The following MASTL variants were observed in gnomAD, a reference collection of about 807,000 sequenced individuals.
MASTL encodes the protein serine/threonine-protein kinase greatwall.
Under a neutral mutation model 82.5 loss-of-function variants are expected in MASTL, and 54 were observed. The ratio of observed to expected loss-of-function variants is 0.65; its 90% CI spans 0.53 to 0.82. The LOEUF is 0.82. MASTL is among the 40% of genes least tolerant of loss of function. The pLI, the probability that MASTL is intolerant of heterozygous loss-of-function variation, is 0.00. For synonymous variants in MASTL, 323 were observed against 368.9 expected (o/e 0.88, Z 1.43); for missense variants, 950 against 1,047.8 (o/e 0.91, Z 1.29).
chr10:27,155,288 GT>G, upstream of MASTL: 1 of 809,122 alleles, frequency 1.2e-6, no homozygotes, highest in Admixed American at 2.6e-5. Flanking sequence ...CGTAGGGGAG[GT>G]GACGAGGGCG....
rs1315365659 is a variant in MASTL, at chr10:27,173,208, C to A, written c.2215C>A (p.Leu739Ile). 1 of 1,614,102 alleles carries A rather than the reference C, an allele frequency of 6.2e-7. No homozygotes were observed. Among genetic ancestry groups the A allele is most frequent in the Middle Eastern group, 1.6e-4 (1 of 6,062 alleles). ...GGCCCCCGTTGATGATGGGCGAATT[C>A]TAGGAACCCCAGACTACCTTGCACC... ...GVAPVDDGRILGTPDYLAPEL... is the reference protein window; with the variant it reads ...GVAPVDDGRIIGTPDYLAPEL... The change falls in exon 9 of 12, where the codon CTA (leucine) becomes ATA (isoleucine). Residue 739 changes from leucine (L) to isoleucine (I), a missense_variant. Leu to Ile is a conservative substitution (Grantham distance 5). Transcript: ENST00000375940.
chr10:27,164,160 T>A (rs1043196383), intron 4 of MASTL, among the ~76,000 whole-genome samples: 6 of 152,206 alleles, frequency 3.9e-5, no homozygotes, highest in Non-Finnish European at 8.8e-5. Flanking sequence ...TTTGTTTGTT[T>A]AAGAGACAGG....
intron 11 of MASTL, 106 bp from the exon 12 acceptor site, chr10:27,186,273 G>A (rs2058740264): frequency 3.5e-6 from 4 of 1,149,418 alleles, no homozygotes; most frequent in East Asian, 2.4e-5. Context: ...ACATAATAAA[G>A]TAAGGTAAGT....
At chr10:27,172,603 G>A (rs2488371) in intron 8 of MASTL, among the ~76,000 whole-genome samples, 6 of 152,020 alleles carry the variant, frequency 3.9e-5, no homozygotes, top group Admixed American at 2.0e-4. Flanking sequence ...GTGGTGAGCC[G>A]AGATCGCACC....
rs1421689220 is a variant in MASTL at position 27,165,468 on chromosome 10, AAGG to A, written c.742_744del (p.Gly248del). On this transcript the variant is annotated inframe_deletion, in exon 6 of 12. Transcript: ENST00000375940. ...CTGTCTGAAACATCACAGCTTTCTC[AAGG>A]ACTCGTATGCCCTATGTCTGTAGAT... 3.1e-6 allele frequency: 5 copies of A among 1,613,210 alleles called. No individual in the cohort carries two copies. The highest frequency in any genetic ancestry group is 2.2e-5 in the East Asian group (1 of 44,878).
upstream of MASTL, chr10:27,154,572 GTTT>G (rs755262244): frequency 3.5e-4 from 112 of 319,264 alleles, no homozygotes; most frequent in Middle Eastern, 8.0e-4. Context: ...CTTTTTCTTC[GTTT>G]TTTTTTTTTT....
intron 11 of MASTL, among the ~76,000 whole-genome samples, chr10:27,185,611 T>TGACA (rs2058663548): frequency 1.0e-5 from 1 of 96,454 alleles, no homozygotes; most frequent in Non-Finnish European, 2.0e-5. Flanking sequence ...CCAGCCTAGG[T>TGACA]GACAGACAAA....
At position 27,162,921 on chromosome 10, in the gene MASTL, G is replaced by A. The variant is rs555296721; in HGVS notation, c.553+1739G>A. On this transcript the variant is annotated intron_variant, in intron 4 of 11. Coordinates refer to ENST00000375940, the MANE Select transcript of MASTL (RefSeq NM_001172303.3). ...TAGGGGTATTTATAGTCTTTTGTTT[G>A]TTTGTTTGTTTTGGGATGGGGTTTT... Among the ~76,000 whole-genome samples the A allele has an allele frequency of 5.9e-5, 9 of 152,064 alleles. No homozygotes were observed. The South Asian group carries it at 1.9e-3, about 32-fold the overall frequency.
chr10:27,186,534 T>C lies in MASTL; in HGVS notation c.2638T>C (p.Ter880GlnextTer28), dbSNP rs1193991676. The change falls in exon 12 of 12, where the codon TAG becomes CAG. Residue 880 changes from the stop codon to glutamine, a stop_lost. Coordinates refer to ENST00000375940, the MANE Select transcript of MASTL (RefSeq NM_001172303.3). ...CCTGACTGTATCTGGATTTAGTCTGTAGCACAAAAATTTTCCTTTTAGTCT... is the reference window on the plus strand; with the variant it reads ...CCTGACTGTATCTGGATTTAGTCTGCAGCACAAAAATTTTCCTTTTAGTCT... ...QHLTVSGFSL[*>Q] is the part of the protein sequence containing the mutation. 1.9e-6 allele frequency: 3 copies of C among 1,613,936 alleles called. No homozygotes were observed. The highest frequency in any genetic ancestry group is 1.7e-5 in the Admixed American group (1 of 59,994).
chr10:27,174,544 T>G (rs1473287059), intron 9 of MASTL, among the ~76,000 whole-genome samples: 1 of 151,862 alleles, frequency 6.6e-6, no homozygotes, highest in Non-Finnish European at 1.5e-5. Context: ...GAAGCTAGAG[T>G]TCCAAAATCA....
chr10:27,169,762 T>G (rs1339132373), intron 7 of MASTL, among the ~76,000 whole-genome samples, 182 bp from the exon 8 acceptor site: 1 of 152,184 alleles, frequency 6.6e-6, no homozygotes, highest in Non-Finnish European at 1.5e-5. Context: ...GAATAATGTA[T>G]ATAAGCTTAT....
rs1034012111 is a variant in MASTL, at chr10:27,159,651, G to A, written c.357G>A (p.Lys119=). 1.9e-6 allele frequency: 3 copies of A among 1,552,750 alleles called. No individual in the cohort carries two copies. The highest frequency in any genetic ancestry group is 1.4e-5 in the African/African-American group (1 of 73,596). Residue 119 remains lysine (K), a synonymous_variant, in exon 3 of 12, where the codon AAG becomes AAA. Coordinates refer to ENST00000375940, the MANE Select transcript of MASTL (RefSeq NM_001172303.3). The surrounding 1 kb of genome is among the most constrained non-coding windows in gnomAD (Gnocchi z 4.0). ...VMEYLIGGDV[K]SLLHIYGYFD... is the part of the protein sequence containing the mutation. ...AATATCTTATTGGGGGAGATGTCAA[G>A]TCTCTCCTACATATATATGGTTATT...
At chr10:27,169,572 A>G (rs975309440) in intron 7 of MASTL, among the ~76,000 whole-genome samples, 3 of 152,028 alleles carry the variant, frequency 2.0e-5, no homozygotes, top group Non-Finnish European at 4.4e-5. Flanking sequence ...CATTTCAAAA[A>G]AAAAAAAAAC....
At chr10:27,177,455 A>G (rs1189920391) in intron 9 of MASTL, among the ~76,000 whole-genome samples, 1 of 152,230 alleles carries the variant, frequency 6.6e-6, no homozygotes, top group Non-Finnish European at 1.5e-5. Flanking sequence ...TTAGTGAGAC[A>G]TCTAGCTCCC....
At position 27,163,073 on chromosome 10, in the gene MASTL, C is replaced by T. The variant is rs576880601; in HGVS notation, c.553+1891C>T. On this transcript the variant is annotated intron_variant, in intron 4 of 11. Transcript: ENST00000375940. The stretch of plus-strand genomic sequence containing the variant: ...CTGGGATTATAGGTGCCCGCCACCA[C>T]GCCCAGCTAATTTTTGTATTTTTAG... 6.6e-5 allele frequency among the ~76,000 whole-genome samples: 10 copies of T among 152,120 alleles called. No individual in the cohort carries two copies. In the East Asian group the frequency reaches 1.7e-3, roughly 27 times the overall value.
In MASTL at chr10:27,187,159, G is replaced by T. The variant is rs1164766398; in HGVS notation, c.*623G>T. 6.6e-6 allele frequency among the ~76,000 whole-genome samples: 1 copy of T among 152,122 alleles called. No homozygotes were observed. Among genetic ancestry groups the T allele is most frequent in the African/African-American group, 2.4e-5 (1 of 41,426 alleles). On this transcript the variant is annotated 3_prime_UTR_variant, in exon 12 of 12. Coordinates refer to ENST00000375940, the MANE Select transcript of MASTL (RefSeq NM_001172303.3). ...TACTGTAAATACACAAATTAGCCGG[G>T]CATGTTGGTGGGCGCCTGTAGTCCC...
In MASTL at chr10:27,181,516, A is replaced by G; in HGVS notation, c.2417A>G (p.Asp806Gly). ...PWPEGEEKLS[D>G]NAQSAVEILL... Reference sequence around the variant, plus strand: ...CCAGAAGGTGAAGAAAAGTTATCTGATAATGCTCAAAGTGCAGTAGAAATA... The same window carrying G: ...CCAGAAGGTGAAGAAAAGTTATCTGGTAATGCTCAAAGTGCAGTAGAAATA... The change falls in exon 11 of 12, where the codon GAT (aspartate) becomes GGT (glycine). Residue 806 changes from aspartate (D) to glycine (G), a missense_variant. Transcript: ENST00000375940. 2 of 1,613,268 alleles carry G rather than the reference A, an allele frequency of 1.2e-6. No homozygotes were observed. The highest frequency in any genetic ancestry group is 1.7e-6 in the Non-Finnish European group (2 of 1,179,280).
rs1373599574 is a variant in MASTL, at chr10:27,167,148, A to C, written c.858A>C (p.Leu286=). 1 of 1,613,942 alleles carries C rather than the reference A, an allele frequency of 6.2e-7. No individual in the cohort carries two copies. Among genetic ancestry groups the C allele is most frequent in the Non-Finnish European group, 8.5e-7 (1 of 1,179,924 alleles). ...ASNPGMPVKC[L]TSNLLQSRKR... ...ACCCAGGAATGCCTGTGAAGTGTCT[A>C]ACTTCTAATTTACTCCAGTCTAGGA... The change falls in exon 7 of 12, where the codon CTA becomes CTC. Residue 286 remains leucine, a synonymous_variant. Transcript: ENST00000375940.
chr10:27,167,950 G>A (rs2057792457), intron 7 of MASTL, among the ~76,000 whole-genome samples: 1 of 151,988 alleles, frequency 6.6e-6, no homozygotes. Context: ...TATTGTTTTT[G>A]CCTTTTTAAA....
Sources: gnomAD v4.1 joint callset for allele counts (sites outside exome capture counted in the v4.1 genomes callset) on GRCh38, gnomAD v4.1.1 for gene constraint, Gnocchi (gnomAD v3.1) non-coding constraint, MANE v1.5 for transcripts, NCBI Gene and HGNC (gene_info 2026-07-23, HGNC 2026-07-21) for gene names.